Variants in LPIN2 observed in about 807,000 individuals in gnomAD.
LPIN2 encodes phosphatidate phosphatase LPIN2.
In LPIN2, 55 loss-of-function variants were observed where a neutral mutation model predicts 111.4. That is an observed-to-expected ratio of 0.49 (90% confidence interval 0.40 to 0.62). LPIN2 has a LOEUF of 0.62. Among genes scored for constraint, LPIN2 ranks in the 20% least tolerant of loss-of-function variants. The pLI is 0.00. For synonymous variants in LPIN2, 425 were observed against 414.0 expected (o/e 1.03, Z -0.32); for missense variants, 992 against 1,112.1 (o/e 0.89, Z 1.54).
chr18:2,953,612 G>C (rs1035174254), intron 3 of LPIN2, among the ~76,000 whole-genome samples: 1 of 152,082 alleles, frequency 6.6e-6, no homozygotes, highest in African/African-American at 2.4e-5. Context: ...TTTTGCTATC[G>C]TATTTTTTGG....
At chr18:2,921,990 C>A in intron 17 of LPIN2, 57 bp downstream of exon 17, 1 of 1,566,734 alleles carries the variant, frequency 6.4e-7, no homozygotes, top group South Asian at 1.2e-5. Context: ...CCACCTTGGG[C>A]CCAGCCCCGC....
At chr18:2,923,402 AAG>A (rs748809700) in intron 16 of LPIN2, among the ~76,000 whole-genome samples, 2 of 49,088 alleles carry the variant, frequency 4.1e-5, no homozygotes, top group Non-Finnish European at 1.9e-4. Flanking sequence ...CCTGGGCGAC[AAG>A]AGCAAAACTC....
intron 4 of LPIN2, among the ~76,000 whole-genome samples, chr18:2,949,579 C>G (rs1386799577): frequency 2.0e-5 from 3 of 151,902 alleles, no homozygotes; most frequent in Non-Finnish European, 4.4e-5. Flanking sequence ...GACATGACAG[C>G]TAGTGAGCAA....
Position 2,920,728 on chromosome 18 carries a change from C to T in LPIN2, c.2546+50G>A, listed in dbSNP as rs1012920621. On this transcript the variant is annotated intron_variant, in intron 19 of 19. Coordinates refer to ENST00000677752, the MANE Select transcript of LPIN2 (RefSeq NM_001375808.2). ...AAGGACAGGGTCTGTCTGTCCCCAA[C>T]TGTACCCCTGGCTGCAGGGCGCCGG... 4 of 1,397,542 alleles carry T rather than the reference C, an allele frequency of 2.9e-6. No homozygotes were observed. The South Asian group carries it at 3.5e-5, about 12-fold the overall frequency. 86.6% of individuals were successfully genotyped at this position (1,397,542 alleles called of 1,614,324 possible). A position where few individuals can be genotyped will look rare whatever the true frequency, so the allele number is the denominator to read the frequency against.
intron 1 of LPIN2, among the ~76,000 whole-genome samples, chr18:3,002,236 C>CAAAAAAAAAAA (rs765641037): frequency 2.7e-4 from 22 of 82,794 alleles, no homozygotes; most frequent in South Asian, 5.0e-4. Context: ...TTCAAAAGAC[C>CAAAAAAAAAAA]AAAAAAAAAA....
chr18:3,012,491 G>C (rs985067573), intron 1 of LPIN2, among the ~76,000 whole-genome samples: 4 of 86,406 alleles, frequency 4.6e-5, no homozygotes, highest in African/African-American at 3.1e-4. Context: ...TCTGCACCGG[G>C]GGCTGGGGGG....
chr18:2,983,223 A>T (rs1243612160), intron 1 of LPIN2, among the ~76,000 whole-genome samples: 1 of 152,222 alleles, frequency 6.6e-6, no homozygotes, highest in African/African-American at 2.4e-5. Flanking sequence ...TTTTCCGAGC[A>T]GCAGGGAGCT....
At chr18:2,956,235 G>A (rs971738895) in intron 2 of LPIN2, among the ~76,000 whole-genome samples, 38 of 152,070 alleles carry the variant, frequency 2.5e-4, no homozygotes, top group African/African-American at 9.7e-5. Flanking sequence ...AATAAGGAGG[G>A]GGAAAGAAGC....
chr18:2,960,010 A>T (rs1045174438), intron 2 of LPIN2, among the ~76,000 whole-genome samples: 2 of 152,154 alleles, frequency 1.3e-5, no homozygotes, highest in East Asian at 3.8e-4. Flanking sequence ...CTCTACTAAA[A>T]ATACAAAAAA....
At chr18:2,957,596 G>A (rs1025652193) in intron 2 of LPIN2, among the ~76,000 whole-genome samples, 11 of 152,108 alleles carry the variant, frequency 7.2e-5, no homozygotes, top group African/African-American at 2.7e-4. Flanking sequence ...AGATATGTCC[G>A]TTCCTTTGAC....
chr18:2,933,372 T>TG (rs913252830), intron 8 of LPIN2, among the ~76,000 whole-genome samples: 49 of 152,170 alleles, frequency 3.2e-4, no homozygotes, highest in African/African-American at 8.7e-4. Context: ...CTGGGAAATG[T>TG]GGGGGGAAAA....
At chr18:2,921,914 C>T (rs1291218212) in intron 17 of LPIN2, 133 bp downstream of exon 17, 1 of 1,275,866 alleles carries the variant, frequency 7.8e-7, no homozygotes, top group South Asian at 1.5e-5. Flanking sequence ...AGGACACCAC[C>T]AGGGACCAAA....
At position 2,929,080 on chromosome 18, in the gene LPIN2, A is replaced by T; in HGVS notation, c.1535T>A (p.Ile512Lys). The T allele has an allele frequency of 6.3e-7, 1 of 1,586,576 alleles. No individual in the cohort carries two copies. Among genetic ancestry groups the T allele is most frequent in the Non-Finnish European group, 8.7e-7 (1 of 1,155,218 alleles). Residue 512 changes from isoleucine (I) to lysine (K), a missense_variant, in exon 10 of 20, where the codon ATA becomes AAA. By Grantham distance (102) the Ile-to-Lys change is moderately radical. This residue lies in a region of LPIN2 where 709 missense variants were observed against 753.2 expected (regional missense o/e 0.94). Transcript: ENST00000677752. Reference protein sequence around the residue: ...PGLIDNPNLVIRIYNRYYNWA... With the variant: ...PGLIDNPNLVKRIYNRYYNWA... The stretch of plus-strand genomic sequence containing the variant: ...GAGTATTTACCGATTATATATCCTT[A>T]TTACAAGGTTAGGATTGTCTATAAG...
chr18:2,996,495 T>TTTTTTTTTTG lies in LPIN2; in HGVS notation c.-10+16591_-10+16592insCAAAAAAAAA, dbSNP rs1383642994. ...TTTTTTTTTTTTTTTTTTTTTTTTTTGAGACAGAGTCTCTCTCTGTCACCC... is the reference window on the plus strand; with the variant it reads ...TTTTTTTTTTTTTTTTTTTTTTTTTTTTTTTTTTTGGAGACAGAGTCTCTCTCTGTCACCC... On this transcript the variant is annotated intron_variant, in intron 1 of 19. Coordinates refer to ENST00000677752, the MANE Select transcript of LPIN2 (RefSeq NM_001375808.2). Among the ~76,000 whole-genome samples the TTTTTTTTTTG allele has an allele frequency of 1.1e-3, 116 of 104,246 alleles. 19 individuals are homozygous for TTTTTTTTTTG. Among genetic ancestry groups the TTTTTTTTTTG allele is most frequent in the African/African-American group, 4.3e-3 (115 of 26,548 alleles). The allele number at this position is 104,246 out of a possible 152,430, so 68.4% of individuals were successfully genotyped here. A position where few individuals can be genotyped will look rare whatever the true frequency, so the allele number is the denominator to read the frequency against.
At chr18:2,981,006 C>CA (rs2143368547) in intron 1 of LPIN2, among the ~76,000 whole-genome samples, 1 of 152,242 alleles carries the variant, frequency 6.6e-6, no homozygotes, top group South Asian at 2.1e-4. Flanking sequence ...TCACTTGTTT[C>CA]AAAAAATATG....
intron 10 of LPIN2, 86 bp from the exon 11 acceptor site, chr18:2,928,746 G>A (rs2144148953): frequency 1.0e-6 from 1 of 972,166 alleles, no homozygotes; most frequent in African/African-American, 1.6e-5. Context: ...GAGGGAGGAG[G>A]GAAGTGACAT....
chr18:2,937,401 C>T (rs572636958), intron 7 of LPIN2, among the ~76,000 whole-genome samples: 85 of 151,860 alleles, frequency 5.6e-4, no homozygotes, highest in African/African-American at 1.6e-3. Context: ...AAAAATCAGC[C>T]GGGGATGGTG....
intron 1 of LPIN2, among the ~76,000 whole-genome samples, chr18:3,002,236 C>CAAAAAAAAAAAAAAAAAAAAAA: frequency 1.2e-5 from 1 of 82,834 alleles, no homozygotes; most frequent in Non-Finnish European, 2.3e-5. Flanking sequence ...TTCAAAAGAC[C>CAAAAAAAAAAAAAAAAAAAAAA]AAAAAAAAAA....
At position 2,934,428 on chromosome 18, in the gene LPIN2, GTGTTGGCTTCTT is replaced by G; in HGVS notation, c.1179_1190del (p.Lys393_His397delinsAsn). 1 of 1,613,212 alleles carries G rather than the reference GTGTTGGCTTCTT, an allele frequency of 6.2e-7. No homozygotes were observed. Among genetic ancestry groups the G allele is most frequent in the Non-Finnish European group, 8.5e-7 (1 of 1,179,400 alleles). Reference sequence around the variant, plus strand: ...CAAGGTAAATATCATCAGGTCCCTGGTGTTGGCTTCTTTTGTGAACACCTGTTTAAAAAAAAA... The same window carrying G: ...CAAGGTAAATATCATCAGGTCCCTGGTTGTGAACACCTGTTTAAAAAAAAA... On this transcript the variant is annotated inframe_deletion, in exon 8 of 20. Transcript: ENST00000677752.
Sources: allele counts gnomAD v4.1 joint callset (sites outside exome capture counted in the v4.1 genomes callset), GRCh38; gene constraint gnomAD v4.1.1; regional missense constraint gnomAD v4.1.1; transcripts MANE v1.5; gene names NCBI Gene and HGNC (gene_info 2026-07-23, HGNC 2026-07-21).